ATP11C: variants seen among roughly 807,000 people sequenced by gnomAD.
ATP11C encodes ATPase phospholipid transporting 11C (ATP11C blood group), also known as phospholipid-transporting ATPase IG.
In ATP11C, 36 loss-of-function variants were observed where a neutral mutation model predicts 97.4. The ratio of observed to expected loss-of-function variants is 0.37; its 90% CI spans 0.28 to 0.49. ATP11C has a LOEUF of 0.49. ATP11C is among the 20% of genes least tolerant of loss of function. The pLI, the probability that ATP11C is intolerant of heterozygous loss-of-function variation, is 0.98. For missense variants in ATP11C, 730 were observed against 824.6 expected, an observed-to-expected ratio of 0.89 and a Z score of 1.40; for synonymous variants, 275 against 290.9, an observed-to-expected ratio of 0.95 and a Z score of 0.56.
At chrX:139,763,734 G>A (rs899292397) in intron 20 of ATP11C, among the ~76,000 whole-genome samples, 1 of 111,605 alleles carries the variant, frequency 9.0e-6, no homozygotes, top group South Asian at 3.8e-4. Context: ...TATACTGTTC[G>A]TTGTTTTAGT....
rs1337952379 is a variant in ATP11C at position 139,727,127 on chromosome X, T to C, written c.*1839A>G. The C allele has an allele frequency of 8.9e-6, 1 of 112,226 alleles. No homozygotes were observed. The highest frequency in any genetic ancestry group is 1.9e-5 in the Non-Finnish European group (1 of 53,156). 9.2% of individuals were successfully genotyped at this position (112,226 alleles called of 1,213,427 possible). The stretch of plus-strand genomic sequence containing the variant: ...CTAGATTATTCTGTTAACTCTCCAA[T>C]GGTACTGCATTAAACAAGCCTCTCT... On this transcript the variant is annotated 3_prime_UTR_variant, in exon 30 of 30. Transcript: ENST00000682941.
chrX:139,852,131 C>CA (rs747366469), intron 1 of ATP11C, among the ~76,000 whole-genome samples: 11 of 100,477 alleles, frequency 1.1e-4, no homozygotes, highest in South Asian at 9.0e-4. Context: ...TGTTATCATG[C>CA]AAAAAAAAAG....
At chrX:139,873,578 G>A (rs764010657) in intron 1 of ATP11C, among the ~76,000 whole-genome samples, 2 of 107,769 alleles carry the variant, frequency 1.9e-5, no homozygotes, top group East Asian at 2.9e-4. Flanking sequence ...AGTGGTGGTG[G>A]GTGCCTGTAA....
chrX:139,759,781 G>A (rs1337046947), intron 22 of ATP11C, among the ~76,000 whole-genome samples: 1 of 112,002 alleles, frequency 8.9e-6, no homozygotes, highest in Middle Eastern at 4.6e-3. Flanking sequence ...AGATACTAAC[G>A]AAGACAGAGG....
At chrX:139,733,221 G>A (rs1294780198) in intron 28 of ATP11C, among the ~76,000 whole-genome samples, 3 of 111,661 alleles carry the variant, frequency 2.7e-5, no homozygotes, top group Non-Finnish European at 5.7e-5. Flanking sequence ...ACCCAGAAAA[G>A]TGAAAATGGA....
At chrX:139,824,524 A>G (rs2083483606) in intron 2 of ATP11C, among the ~76,000 whole-genome samples, 1 of 111,355 alleles carries the variant, frequency 9.0e-6, no homozygotes, top group Admixed American at 9.5e-5. Flanking sequence ...CATCTCTACT[A>G]AAAATACAAA....
chrX:139,822,407 G>T lies in ATP11C; in HGVS notation c.148-2980C>A, dbSNP rs577764642. On this transcript the variant is annotated intron_variant, in intron 2 of 29. Transcript: ENST00000682941. ...TTTGTTTTTTGGGTTTTTTTTGTTT[G>T]TTTGTTTGTTTGTTTGTTTTTTTTG... 3.5e-4 allele frequency among the ~76,000 whole-genome samples: 33 copies of T among 95,373 alleles called. No individual in the cohort carries two copies. In the South Asian group the frequency reaches 0.014, roughly 40 times the overall value. 82.8% of individuals were successfully genotyped at this position (95,373 alleles called of 115,157 possible).
At chrX:139,860,784 C>G (rs1041918013) in intron 1 of ATP11C, among the ~76,000 whole-genome samples, 1 of 112,151 alleles carries the variant, frequency 8.9e-6, no homozygotes, top group African/African-American at 3.2e-5. Flanking sequence ...CACCACTGCA[C>G]TCCAGTCTGG....
chrX:139,899,338 C>G (rs1017582801), intron 1 of ATP11C, among the ~76,000 whole-genome samples: 2 of 109,947 alleles, frequency 1.8e-5, no homozygotes, highest in African/African-American at 6.6e-5. Flanking sequence ...AAAAAATTAG[C>G]CAGGCGTGGT....
chrX:139,896,861 C>CAAT (rs984662008), intron 1 of ATP11C, among the ~76,000 whole-genome samples: 10 of 110,109 alleles, frequency 9.1e-5, no homozygotes, highest in African/African-American at 3.0e-4. Context: ...GTCAGCCTCC[C>CAAT]AATAATAATA....
chrX:139,767,655 T>C (rs1217569976), intron 20 of ATP11C, among the ~76,000 whole-genome samples: 1 of 111,487 alleles, frequency 9.0e-6, no homozygotes, highest in African/African-American at 3.3e-5. Context: ...AGAAATAGAC[T>C]TGCTTATCCA....
chrX:139,895,107 A>G (rs2084785520), intron 1 of ATP11C, among the ~76,000 whole-genome samples: 1 of 112,564 alleles, frequency 8.9e-6, no homozygotes, highest in African/African-American at 3.2e-5. Context: ...AAACGGATAT[A>G]AGAGATACTG....
chrX:139,912,749 T>TTTTTTA (rs10627251), intron 1 of ATP11C, among the ~76,000 whole-genome samples: 1 of 110,082 alleles, frequency 9.1e-6, no homozygotes, highest in South Asian at 3.9e-4. Context: ...TTACGTATGA[T>TTTTTTA]TTTTGATTGC....
intron 26 of ATP11C, among the ~76,000 whole-genome samples, chrX:139,741,583 C>T (rs1301888894): frequency 9.0e-6 from 1 of 111,282 alleles, no homozygotes; most frequent in East Asian, 2.9e-4. Context: ...ACACAACAGA[C>T]GGGAGTCACT....
chrX:139,817,401 C>G (rs1214273203), intron 3 of ATP11C, among the ~76,000 whole-genome samples: 2 of 112,173 alleles, frequency 1.8e-5, no homozygotes, highest in African/African-American at 6.5e-5. Context: ...TTTCTAGGCA[C>G]AGTGAACAGT....
chrX:139,783,909 A>T (rs940006179), intron 16 of ATP11C, among the ~76,000 whole-genome samples: 9 of 111,465 alleles, frequency 8.1e-5, no homozygotes, highest in African/African-American at 2.6e-4. Flanking sequence ...TAGAGCACAC[A>T]TATGGCATCT....
At chrX:139,762,195 ATAGTTC>A in intron 21 of ATP11C, 89 bp from the exon 22 acceptor site, 3 of 755,040 alleles carry the variant, frequency 4.0e-6, no homozygotes, top group Non-Finnish European at 3.8e-6. Flanking sequence ...GTTTAATGTT[ATAGTTC>A]AATTCTATCA....
intron 1 of ATP11C, among the ~76,000 whole-genome samples, chrX:139,876,483 G>A (rs2084476332): frequency 8.9e-6 from 1 of 112,171 alleles, no homozygotes; most frequent in Admixed American, 9.4e-5. Context: ...TGCAGTGCCT[G>A]TTCACAGGCA....
chrX:139,885,876 GA>G (rs1324593368), intron 1 of ATP11C, among the ~76,000 whole-genome samples: 3 of 104,303 alleles, frequency 2.9e-5, no homozygotes, highest in Admixed American at 1.0e-4. Flanking sequence ...CATCTATGAA[GA>G]AAAAAAAAAG....
Sources: allele counts gnomAD v4.1 joint callset (sites outside exome capture counted in the v4.1 genomes callset), GRCh38; gene constraint gnomAD v4.1.1; transcripts MANE v1.5; gene names NCBI Gene and HGNC (gene_info 2026-07-23, HGNC 2026-07-21).